The following COL14A1 variants were observed in gnomAD, a reference collection of about 807,000 sequenced individuals.
COL14A1 encodes collagen alpha-1(XIV) chain.
A neutral mutation model predicts 230.3 loss-of-function variants in COL14A1; 136 were observed. The ratio of observed to expected loss-of-function variants is 0.59; its 90% CI spans 0.51 to 0.68. COL14A1 has a LOEUF of 0.68. COL14A1 is among the 30% of genes least tolerant of loss of function. The pLI is 0.00. For synonymous variants in COL14A1, 792 were observed against 784.1 expected (o/e 1.01, Z -0.17); for missense variants, 1,976 against 2,215.8 (o/e 0.89, Z 2.17).
chr8:120,272,515 A>G (rs1271453195), intron 26 of COL14A1, among the ~76,000 whole-genome samples: 3 of 151,700 alleles, frequency 2.0e-5, no homozygotes, highest in Non-Finnish European at 4.4e-5. Context: ...TGGATACAAA[A>G]TCACAAACCA....
At chr8:120,266,773 T>C in intron 24 of COL14A1, 54 bp from the exon 25 acceptor site, 1 of 1,431,708 alleles carries the variant, frequency 7.0e-7, no homozygotes. Context: ...GACCTTCCGC[T>C]CTTCCCCACA....
At chr8:120,127,452 G>A (rs1028785102) in intron 1 of COL14A1, among the ~76,000 whole-genome samples, 1 of 152,200 alleles carries the variant, frequency 6.6e-6, no homozygotes. Flanking sequence ...ATGGATCCCA[G>A]CCTTCAAGAT....
intron 26 of COL14A1, among the ~76,000 whole-genome samples, chr8:120,276,557 A>G (rs574363011): frequency 1.4e-4 from 22 of 151,868 alleles, no homozygotes; most frequent in South Asian, 6.2e-4. Context: ...TCATTGTTCA[A>G]TTCCCACCTA....
At chr8:120,353,186 T>C (rs2130327596) in intron 45 of COL14A1, among the ~76,000 whole-genome samples, 1 of 3,326 alleles carries the variant, frequency 3.0e-4, no homozygotes, top group Middle Eastern at 0.033. Context: ...TGGCTAGCCA[T>C]ATGTAGAAAG....
intron 19 of COL14A1, among the ~76,000 whole-genome samples, chr8:120,241,274 T>G (rs1818599681): frequency 6.6e-6 from 1 of 152,208 alleles, no homozygotes. Context: ...GGATGGGAAT[T>G]AAAATGACAC....
At chr8:120,200,634 T>G (rs1817205198) in intron 8 of COL14A1, among the ~76,000 whole-genome samples, 2 of 149,154 alleles carry the variant, frequency 1.3e-5, no homozygotes, top group Admixed American at 1.3e-4. Flanking sequence ...TGAGAACTAC[T>G]GGTAAGCCCA....
At chr8:120,147,732 T>G (rs1815143136) in intron 1 of COL14A1, 74 bp from the exon 2 acceptor site, 2 of 710,746 alleles carry the variant, frequency 2.8e-6, no homozygotes, top group Non-Finnish European at 2.3e-6. Context: ...GTTGGCTTAT[T>G]CGCCTGTCCT....
intron 5 of COL14A1, among the ~76,000 whole-genome samples, 195 bp downstream of exon 5, chr8:120,168,442 C>T (rs977773848): frequency 5.9e-5 from 9 of 152,106 alleles, no homozygotes; most frequent in African/African-American, 2.2e-4. Context: ...ACCTTTCAGG[C>T]ACCTTTCTCA....
chr8:120,213,219 A>G (rs759945945), intron 13 of COL14A1, among the ~76,000 whole-genome samples: 1 of 152,158 alleles, frequency 6.6e-6, no homozygotes, highest in East Asian at 1.9e-4. Flanking sequence ...TGGGAAATGT[A>G]TGCATTTATT....
chr8:120,335,896 G>T (rs560202743), intron 42 of COL14A1, among the ~76,000 whole-genome samples: 1 of 152,248 alleles, frequency 6.6e-6, no homozygotes, highest in East Asian at 1.9e-4. Context: ...ACAGGTCCAG[G>T]GTTACATCAT....
intron 36 of COL14A1, among the ~76,000 whole-genome samples, chr8:120,307,140 A>T (rs1447328129): frequency 6.6e-6 from 1 of 152,210 alleles, no homozygotes; most frequent in East Asian, 1.9e-4. Flanking sequence ...AAATTGGCCA[A>T]AACTGCTTAA....
At chr8:120,317,542 G>T (rs531412905) in intron 40 of COL14A1, among the ~76,000 whole-genome samples, 1 of 152,202 alleles carries the variant, frequency 6.6e-6, no homozygotes, top group Non-Finnish European at 1.5e-5. Context: ...TTGGCAAAGG[G>T]CGTAGGCTAA....
At chr8:120,196,058 A>G (rs1817027367) in intron 5 of COL14A1, among the ~76,000 whole-genome samples, 1 of 152,192 alleles carries the variant, frequency 6.6e-6, no homozygotes, top group Non-Finnish European at 1.5e-5. Flanking sequence ...GCCTTCTCTA[A>G]TAGTAAAACA....
At chr8:120,177,981 A>G (rs1816338618) in intron 5 of COL14A1, among the ~76,000 whole-genome samples, 1 of 152,142 alleles carries the variant, frequency 6.6e-6, no homozygotes, top group African/African-American at 2.4e-5. Context: ...TAAGAAGAAA[A>G]GGACTTATTG....
At chr8:120,281,407 A>C (rs972053289) in intron 31 of COL14A1, among the ~76,000 whole-genome samples, 34 of 151,946 alleles carry the variant, frequency 2.2e-4, no homozygotes, top group Admixed American at 1.3e-4. Context: ...AAACATAAAA[A>C]TAAAAAAATT....
chr8:120,141,941 C>T (rs1237792173), intron 1 of COL14A1, among the ~76,000 whole-genome samples: 2 of 152,064 alleles, frequency 1.3e-5, no homozygotes, highest in African/African-American at 4.8e-5. Context: ...CTGAGTTGCT[C>T]AGGCTGGTCC....
chr8:120,250,284 A>T (rs1818896006), intron 21 of COL14A1, among the ~76,000 whole-genome samples: 1 of 152,198 alleles, frequency 6.6e-6, no homozygotes, highest in Admixed American at 6.5e-5. Context: ...GACAATTGAG[A>T]ATTATTTCTT....
intron 14 of COL14A1, among the ~76,000 whole-genome samples, chr8:120,219,054 A>C (rs139598188): frequency 0.01 from 1,555 of 150,968 alleles, 32 homozygotes; most frequent in African/African-American, 0.036. Flanking sequence ...ATTATATAAT[A>C]ATAATCATAA....
chr8:120,297,663 A>T, intron 35 of COL14A1, 75 bp downstream of exon 35: 1 of 807,748 alleles, frequency 1.2e-6, no homozygotes, highest in Non-Finnish European at 1.8e-6. Context: ...GCTATTTCTC[A>T]ACATTCATAT....
Sources: allele counts gnomAD v4.1 joint callset (sites outside exome capture counted in the v4.1 genomes callset), GRCh38; gene constraint gnomAD v4.1.1; transcripts MANE v1.5; gene names NCBI Gene and HGNC (gene_info 2026-07-23, HGNC 2026-07-21).